The following STOX2 variants were observed in gnomAD, a reference collection of about 807,000 sequenced individuals.
STOX2 encodes storkhead-box protein 2.
STOX2 carries 28 observed loss-of-function variants against 60.9 expected under a neutral mutation model. That is an observed-to-expected ratio of 0.46 (90% CI 0.34 to 0.63). The LOEUF is 0.63. Among genes scored for constraint, STOX2 ranks in the 30% least tolerant of loss-of-function variants. The pLI is 0.01. For missense variants in STOX2, 1,024 were observed against 1,187.7 expected, an observed-to-expected ratio of 0.86 and a Z score of 2.03; for synonymous variants, 472 against 463.9, an observed-to-expected ratio of 1.02 and a Z score of -0.22.
At chr4:183,960,479 A>G (rs570585606) in intron 1 of STOX2, among the ~76,000 whole-genome samples, 1 of 152,380 alleles carries the variant, frequency 6.6e-6, no homozygotes, top group Admixed American at 6.5e-5. Flanking sequence ...TATGCTGCAT[A>G]GAGAATCTCA....
At position 183,826,959 on chromosome 4, in the gene STOX2, A is replaced by G. The variant is rs80235444; in HGVS notation, c.364+28904A>G. 8.3e-3 allele frequency among the ~76,000 whole-genome samples: 1,271 copies of G among 152,348 alleles called. 9 individuals are homozygous for G. The highest frequency in any genetic ancestry group is 0.012 in the Non-Finnish European group (792 of 68,032). On this transcript the variant is annotated intron_variant, in intron 1 of 2. Coordinates refer to the STOX2 transcript ENST00000513034. ...TAGCAAATTTATAAGTATTTATGATATGCCAGGCATTACATATAACATGAC... is the reference window on the plus strand; with the variant it reads ...TAGCAAATTTATAAGTATTTATGATGTGCCAGGCATTACATATAACATGAC...
chr4:183,966,418 C>A (rs1743570641), intron 1 of STOX2, among the ~76,000 whole-genome samples: 1 of 152,204 alleles, frequency 6.6e-6, no homozygotes, highest in Non-Finnish European at 1.5e-5. Context: ...AACCAAAAAG[C>A]CAAAGCTGGA....
intron 1 of STOX2, among the ~76,000 whole-genome samples, chr4:183,957,402 A>T (rs1187871469): frequency 6.6e-6 from 1 of 152,192 alleles, no homozygotes; most frequent in African/African-American, 2.4e-5. Flanking sequence ...TCTTGCTTTA[A>T]TCACTTGTTG....
chr4:183,818,670 G>A (rs993423683), intron 1 of STOX2, among the ~76,000 whole-genome samples: 9 of 151,760 alleles, frequency 5.9e-5, no homozygotes, highest in African/African-American at 1.5e-4. Flanking sequence ...CAGAAGGGGC[G>A]GCCGGGCAGA....
chr4:183,968,566 C>G (rs1743647378), intron 1 of STOX2, among the ~76,000 whole-genome samples: 1 of 152,196 alleles, frequency 6.6e-6, no homozygotes. Flanking sequence ...TGTTGTCTAC[C>G]TGCTCCCAGG....
chr4:183,999,497 A>G (rs1297218833), intron 1 of STOX2, among the ~76,000 whole-genome samples: 1 of 152,098 alleles, frequency 6.6e-6, no homozygotes, highest in Non-Finnish European at 1.5e-5. Context: ...CCACTGGGAC[A>G]ACGTCTTATC....
chr4:183,844,604 A>C (rs572311751), intron 1 of STOX2, among the ~76,000 whole-genome samples: 4 of 152,344 alleles, frequency 2.6e-5, no homozygotes, highest in African/African-American at 9.6e-5. Flanking sequence ...GTAATAAAAT[A>C]AGCCATTGAT....
intron 1 of STOX2, chr4:183,798,915 ATTAC>A: frequency 1.5e-6 from 1 of 646,072 alleles, no homozygotes; most frequent in East Asian, 1.4e-4. Flanking sequence ...TTTTTGTACT[ATTAC>A]ATAGTAAATA....
intron 1 of STOX2, among the ~76,000 whole-genome samples, chr4:183,893,772 C>CA (rs1480663945): frequency 6.6e-6 from 1 of 151,832 alleles, no homozygotes; most frequent in African/African-American, 2.4e-5. Flanking sequence ...TAAAAAAAAA[C>CA]AAAAAACTAG....
intron 1 of STOX2, among the ~76,000 whole-genome samples, chr4:183,858,597 A>AGAAG (rs146831784): frequency 0.02 from 2,985 of 152,078 alleles, 34 homozygotes; most frequent in African/African-American, 0.036. Flanking sequence ...AAAAAGAGAA[A>AGAAG]GAAGGAAGGA....
At chr4:183,929,699 A>G (rs1742354102) in intron 1 of STOX2, among the ~76,000 whole-genome samples, 2 of 152,116 alleles carry the variant, frequency 1.3e-5, no homozygotes, top group Admixed American at 6.6e-5. Flanking sequence ...CAAAAAAAGG[A>G]CCATTTAGCA....
chr4:184,002,766 G>A lies in STOX2; in HGVS notation c.319+1289G>A, dbSNP rs1442644667. Among the ~76,000 whole-genome samples, 5 of 152,168 alleles carry A rather than the reference G, an allele frequency of 3.3e-5. No homozygotes were observed. The South Asian group carries it at 6.2e-4, about 19-fold the overall frequency. ...TGCACCCCACACATGGGAAGAGAAC[G>A]GGAGGACGAATTCTAAGCTAAGGAG... On this transcript the variant is annotated intron_variant, in intron 2 of 3. Coordinates refer to ENST00000308497, the MANE Select transcript of STOX2 (RefSeq NM_020225.3).
chr4:183,899,267 T>C (rs1440393998), intron 1 of STOX2, among the ~76,000 whole-genome samples: 1 of 152,194 alleles, frequency 6.6e-6, no homozygotes, highest in Non-Finnish European at 1.5e-5. Context: ...TTAATAACCC[T>C]GCAATGGCCT....
At chr4:183,838,218 T>A (rs533829839) in intron 1 of STOX2, among the ~76,000 whole-genome samples, 411 of 150,382 alleles carry the variant, frequency 2.7e-3, no homozygotes, top group African/African-American at 9.3e-3. Flanking sequence ...TATATTGAAA[T>A]ACTTAAATAA....
rs1177721981 is a variant in STOX2 at position 183,994,213 on chromosome 4, C to T, written c.167-7112C>T. Among the ~76,000 whole-genome samples the T allele has an allele frequency of 2.6e-5, 4 of 152,098 alleles. No homozygotes were observed. In the East Asian group the frequency reaches 7.7e-4, roughly 29 times the overall value. ...GGAATAGAGTTGTGTTGTCCCCATG[C>T]CCATAGTGCATTTTATAGACATGTT... On this transcript the variant is annotated intron_variant, in intron 1 of 3. Transcript: ENST00000308497.
At chr4:183,872,301 C>T (rs546959594) in intron 1 of STOX2, among the ~76,000 whole-genome samples, 1 of 152,288 alleles carries the variant, frequency 6.6e-6, no homozygotes, top group Non-Finnish European at 1.5e-5. Context: ...GGTGATCCTC[C>T]TGCCTCGGCC....
rs549196640 is a variant in STOX2, at chr4:184,009,356, C to T, written c.518C>T (p.Pro173Leu). Residue 173 changes from proline (P) to leucine (L), a missense_variant, in exon 3 of 4, where the codon CCG becomes CTG. Coordinates refer to ENST00000308497, the MANE Select transcript of STOX2 (RefSeq NM_020225.3). This position sits in a 1 kb window ranked among gnomAD's most constrained non-coding sequence, Gnocchi z 4.0. ...RIPDRSQCTS[P>L]QPGTITPSAS... The stretch of plus-strand genomic sequence containing the variant: ...CCTGACCGGTCTCAGTGCACCTCTC[C>T]GCAACCCGGGACCATCACGCCCTCT... 34 of 1,613,812 alleles carry T rather than the reference C, an allele frequency of 2.1e-5. No homozygotes were observed. Among genetic ancestry groups the T allele is most frequent in the Non-Finnish European group, 2.8e-5 (33 of 1,179,872 alleles).
intron 1 of STOX2, among the ~76,000 whole-genome samples, chr4:183,814,059 T>TA (rs1168797772): frequency 1.3e-5 from 2 of 152,228 alleles, no homozygotes; most frequent in African/African-American, 4.8e-5. Flanking sequence ...TACTGCATCT[T>TA]ACATTTTGTA....
intron 1 of STOX2, among the ~76,000 whole-genome samples, chr4:183,967,418 G>C (rs1458775855): frequency 6.6e-6 from 1 of 152,006 alleles, no homozygotes; most frequent in Non-Finnish European, 1.5e-5. Context: ...AAGATGATGG[G>C]GTGTGCATAT....
Sources: allele counts gnomAD v4.1 joint callset (sites outside exome capture counted in the v4.1 genomes callset), GRCh38; gene constraint gnomAD v4.1.1; non-coding constraint Gnocchi (gnomAD v3.1); transcripts MANE v1.5; gene names NCBI Gene and HGNC (gene_info 2026-07-23, HGNC 2026-07-21).